TRDN: variants seen among roughly 807,000 people sequenced by gnomAD.
TRDN encodes the protein triadin.
A neutral mutation model predicts 149.7 loss-of-function variants in TRDN; 161 were observed. The observed-to-expected ratio is 1.08, with a 90% confidence interval of 0.95 to 1.23. The LOEUF is 1.23. TRDN is among the 50% of genes most tolerant of loss of function. The pLI is 0.00. For missense variants in TRDN, 896 were observed against 823.5 expected (o/e 1.09, Z -1.08); for synonymous variants, 294 against 250.5 (o/e 1.17, Z -1.64).
rs150191602 is a variant in TRDN at position 123,575,104 on chromosome 6, T to C, written c.23-3972A>G. ...AAATTAATACTGTTATGTTTTTCAT[T>C]GTCCTTTTTTTAATCTTCACACCCT... On this transcript the variant is annotated intron_variant, in intron 1 of 40. Transcript: ENST00000334268. Among the ~76,000 whole-genome samples, 144 of 151,842 alleles carry C rather than the reference T, an allele frequency of 9.5e-4. 2 individuals are homozygous for C. The highest frequency in any genetic ancestry group is 3.4e-3 in the Middle Eastern group (1 of 294).
At chr6:123,305,356 T>C (rs964322100) in intron 24 of TRDN, among the ~76,000 whole-genome samples, 1 of 152,210 alleles carries the variant, frequency 6.6e-6, no homozygotes, top group African/African-American at 2.4e-5. Flanking sequence ...ATACACCTGT[T>C]ATTAGATTGT....
chr6:123,524,108 T>A (rs574681500), intron 5 of TRDN, among the ~76,000 whole-genome samples: 1 of 152,260 alleles, frequency 6.6e-6, no homozygotes, highest in South Asian at 2.1e-4. Context: ...GCTATCCTGG[T>A]GATCTAAAGT....
chr6:123,526,131 G>T (rs1170151705), intron 5 of TRDN, among the ~76,000 whole-genome samples: 1 of 151,966 alleles, frequency 6.6e-6, no homozygotes, highest in Non-Finnish European at 1.5e-5. Context: ...TTTCTCAGTT[G>T]TGTTAAGACT....
chr6:123,278,818 A>G (rs1025175660), intron 25 of TRDN, among the ~76,000 whole-genome samples: 2 of 152,190 alleles, frequency 1.3e-5, no homozygotes, highest in African/African-American at 2.4e-5. Context: ...GAGATTTTTA[A>G]TGACAAGGTA....
intron 12 of TRDN, among the ~76,000 whole-genome samples, chr6:123,414,194 T>G (rs1184102278): frequency 6.6e-6 from 1 of 152,158 alleles, no homozygotes; most frequent in East Asian, 1.9e-4. Flanking sequence ...AAGTTCCAAT[T>G]AATAATACTT....
At position 123,571,250 on chromosome 6, in the gene TRDN, A is replaced by G. The variant is rs1782562784; in HGVS notation, c.23-118T>C. The G allele has an allele frequency of 1.2e-5, 12 of 1,038,056 alleles. 1 individual carries two copies. The South Asian group carries it at 1.9e-4, about 17-fold the overall frequency. The allele number at this position is 1,038,056 out of a possible 1,614,324, so 64.3% of individuals were successfully genotyped here. ...TTATACTGCTTTCTAGAGCAGCACA[A>G]CTCCTTAGTGGCAGGACAAAGCCTC... On this transcript the variant is annotated intron_variant, in intron 1 of 40. Transcript: ENST00000334268.
intron 9 of TRDN, among the ~76,000 whole-genome samples, chr6:123,493,488 CTT>C (rs1337025847): frequency 2.0e-5 from 3 of 152,004 alleles, no homozygotes; most frequent in African/African-American, 7.2e-5. Context: ...AAACTTGGGA[CTT>C]ATGTCATAGT....
intron 1 of TRDN, among the ~76,000 whole-genome samples, chr6:123,595,841 T>C (rs1784011873): frequency 6.6e-6 from 1 of 152,060 alleles, no homozygotes; most frequent in African/African-American, 2.4e-5. Context: ...TTCTGACTGT[T>C]CCATTAACTG....
intron 12 of TRDN, among the ~76,000 whole-genome samples, chr6:123,417,995 C>A (rs1773727155): frequency 6.6e-6 from 1 of 152,148 alleles, no homozygotes; most frequent in African/African-American, 2.4e-5. Flanking sequence ...TTGTCAAGGG[C>A]TAACTCCACA....
rs149219800 is a variant in TRDN, at chr6:123,252,056, T to C, written c.1975+356A>G. 4.3e-3 allele frequency among the ~76,000 whole-genome samples: 650 copies of C among 152,188 alleles called. 7 individuals carry two copies. The highest frequency in any genetic ancestry group is 0.015 in the African/African-American group (612 of 41,562). ...CAGCAAAAGCATCACTGTTCGACCATATGTGGTCTTTAACAAATTTCTAGT... is the reference window on the plus strand; with the variant it reads ...CAGCAAAAGCATCACTGTTCGACCACATGTGGTCTTTAACAAATTTCTAGT... On this transcript the variant is annotated intron_variant, in intron 38 of 40. Coordinates refer to ENST00000334268, the MANE Select transcript of TRDN (RefSeq NM_006073.4).
intron 20 of TRDN, among the ~76,000 whole-genome samples, chr6:123,364,666 A>C (rs1228017563): frequency 1.3e-5 from 2 of 152,066 alleles, no homozygotes; most frequent in Middle Eastern, 6.3e-3. Context: ...AAATAATAAA[A>C]ATAAAATCTC....
intron 10 of TRDN, among the ~76,000 whole-genome samples, chr6:123,463,326 A>G (rs561971430): frequency 3.3e-5 from 5 of 151,304 alleles, no homozygotes; most frequent in Admixed American, 2.6e-4. Flanking sequence ...CAGCAGAGCA[A>G]GACTCCGTCT....
chr6:123,348,713 A>C (rs1423960999), intron 21 of TRDN, among the ~76,000 whole-genome samples: 5 of 152,156 alleles, frequency 3.3e-5, no homozygotes, highest in Non-Finnish European at 7.4e-5. Context: ...CTTCAGCATA[A>C]TAGCAGGAGT....
At chr6:123,465,582 CAAAAA>C (rs1223948612) in intron 9 of TRDN, among the ~76,000 whole-genome samples, 7 of 65,536 alleles carry the variant, frequency 1.1e-4, no homozygotes, top group African/African-American at 3.5e-4. Context: ...TTATGAACTG[CAAAAA>C]AAAAAAAAAA....
At chr6:123,270,047 A>T (rs1300176325) in intron 30 of TRDN, among the ~76,000 whole-genome samples, 181 bp from the exon 31 acceptor site, 1 of 152,044 alleles carries the variant, frequency 6.6e-6, no homozygotes, top group Non-Finnish European at 1.5e-5. Flanking sequence ...AAACTGCAAA[A>T]AACTAGTAAG....
In TRDN at chr6:123,218,591, A is replaced by T; in HGVS notation, c.*10T>A. 1 of 1,610,222 alleles carries T rather than the reference A, an allele frequency of 6.2e-7. No individual in the cohort carries two copies. Among genetic ancestry groups the T allele is most frequent in the East Asian group, 2.2e-5 (1 of 44,806 alleles). ...ATCTTAAAGCACTTGTAAGGGTCAT[A>T]CATGTGTGTTTACTGTCCTTGTTGC... is the stretch of plus-strand genomic sequence containing the variant. On this transcript the variant is annotated 3_prime_UTR_variant, in exon 41 of 41. Transcript: ENST00000334268.
At chr6:123,401,442 T>C (rs1409508399) in intron 12 of TRDN, among the ~76,000 whole-genome samples, 1 of 152,164 alleles carries the variant, frequency 6.6e-6, no homozygotes, top group African/African-American at 2.4e-5. Context: ...AGAAAACACG[T>C]CTCCAAATAA....
chr6:123,342,309 A>C (rs897852445), intron 21 of TRDN, among the ~76,000 whole-genome samples: 4 of 151,938 alleles, frequency 2.6e-5, no homozygotes, highest in Non-Finnish European at 5.9e-5. Flanking sequence ...GAGATGAACT[A>C]GGATATCTTA....
chr6:123,457,494 T>C (rs35043757), intron 10 of TRDN: 55,094 of 378,560 alleles, frequency 0.15, 5,061 homozygotes, highest in South Asian at 0.25. Context: ...TACAAGTTTC[T>C]TGTCTATTAA....
Sources: allele counts gnomAD v4.1 joint callset (sites outside exome capture counted in the v4.1 genomes callset), GRCh38; gene constraint gnomAD v4.1.1; transcripts MANE v1.5; gene names NCBI Gene and HGNC (gene_info 2026-07-23, HGNC 2026-07-21).